HMGA2: variants seen among roughly 807,000 people sequenced by gnomAD.
HMGA2 encodes the protein high mobility group protein HMGI-C.
Under a neutral mutation model 19.1 loss-of-function variants are expected in HMGA2, and 8 were observed. That is an observed-to-expected ratio of 0.42 (90% CI 0.25 to 0.76). The LOEUF (loss-of-function observed/expected upper bound fraction) is 0.76, where lower values mean the gene tolerates loss of function less well. HMGA2 is among the 30% of genes least tolerant of loss of function. The pLI, the probability that HMGA2 is intolerant of heterozygous loss-of-function variation, is 0.28. For synonymous variants in HMGA2, 60 were observed against 48.8 expected (o/e 1.23, Z -0.96); for missense variants, 109 against 136.3 (o/e 0.80, Z 1.00).
At chr12:65,954,518 ATGGCC>A (rs1314211651) in intron 4 of HMGA2, 1 of 152,220 alleles carries the variant, frequency 6.6e-6, no homozygotes, top group Non-Finnish European at 1.5e-5. Flanking sequence ...AACTTCAAGA[ATGGCC>A]CTTGTTGAAC....
chr12:65,886,951 C>T (rs1165378864), intron 3 of HMGA2, among the ~76,000 whole-genome samples: 1 of 152,116 alleles, frequency 6.6e-6, no homozygotes, highest in Non-Finnish European at 1.5e-5. Context: ...AATAAGTAAG[C>T]AAGACTTGAA....
At chr12:65,828,926 G>C (rs1024337411) in intron 2 of HMGA2, 3 of 152,168 alleles carry the variant, frequency 2.0e-5, no homozygotes, top group African/African-American at 4.8e-5. Flanking sequence ...TGCATGTATA[G>C]AGAAGTACCA....
chr12:65,920,833 T>C (rs1236402366), intron 3 of HMGA2, among the ~76,000 whole-genome samples: 7 of 152,078 alleles, frequency 4.6e-5, no homozygotes, highest in Non-Finnish European at 8.8e-5. Flanking sequence ...ATACAGTAAA[T>C]TGGTACCAGG....
chr12:65,840,038 AT>A (rs557094993), intron 3 of HMGA2, among the ~76,000 whole-genome samples: 2 of 152,118 alleles, frequency 1.3e-5, no homozygotes, highest in African/African-American at 2.4e-5. Context: ...CAGTTTTCTC[AT>A]TTTTTCCCCA....
At chr12:65,833,991 T>C (rs1006503797) in intron 2 of HMGA2, among the ~76,000 whole-genome samples, 2 of 152,176 alleles carry the variant, frequency 1.3e-5, no homozygotes, top group Non-Finnish European at 1.5e-5. Context: ...TTTATATATA[T>C]GTTAGCTCCT....
At chr12:65,939,276 C>T (rs1196521442) in intron 3 of HMGA2, among the ~76,000 whole-genome samples, 1 of 152,136 alleles carries the variant, frequency 6.6e-6, no homozygotes, top group Admixed American at 6.5e-5. Context: ...AGCAGTGTGT[C>T]GGTAGCTTTG....
chr12:65,827,490 T>C lies in HMGA2; in HGVS notation c.112-511T>C, dbSNP rs148157922. ...AATTGCTCCAGTATTTCACTCAAAA[T>C]GTGTCAGTTGAATCATAATCCACCT... On this transcript the variant is annotated intron_variant, in intron 1 of 4. Coordinates refer to ENST00000403681, the MANE Select transcript of HMGA2 (RefSeq NM_003483.6). Among the ~76,000 whole-genome samples, 71 of 152,322 alleles carry C rather than the reference T, an allele frequency of 4.7e-4. No individual in the cohort carries two copies. The East Asian group carries it at 8.5e-3, about 18-fold the overall frequency.
chr12:65,937,319 C>T (rs1422152682), intron 3 of HMGA2, among the ~76,000 whole-genome samples: 1 of 152,116 alleles, frequency 6.6e-6, no homozygotes, highest in Non-Finnish European at 1.5e-5. Context: ...GGATACTCCC[C>T]TGCTGAACTG....
chr12:65,939,388 C>T (rs1592458387), intron 3 of HMGA2, among the ~76,000 whole-genome samples: 1 of 152,022 alleles, frequency 6.6e-6, no homozygotes, highest in East Asian at 1.9e-4. Flanking sequence ...CCGAGTCTCG[C>T]TCTGTCACCC....
chr12:65,913,381 G>GC (rs1451698263), intron 3 of HMGA2, among the ~76,000 whole-genome samples: 8 of 152,250 alleles, frequency 5.3e-5, no homozygotes, highest in Admixed American at 3.9e-4. Context: ...CTCAGCCACT[G>GC]AGTCCAATAA....
At chr12:65,950,114 C>A (rs76456255) in intron 3 of HMGA2, among the ~76,000 whole-genome samples, 9,662 of 152,218 alleles carry the variant, frequency 0.063, 445 homozygotes, top group Non-Finnish European at 0.09. Flanking sequence ...GGACGGACTG[C>A]AAAATGGTAC....
intron 3 of HMGA2, among the ~76,000 whole-genome samples, chr12:65,849,881 G>A (rs906545247): frequency 1.3e-5 from 2 of 151,842 alleles, no homozygotes; most frequent in African/African-American, 4.8e-5. Context: ...ACCACGCCTG[G>A]CTAATTTTTG....
intron 3 of HMGA2, among the ~76,000 whole-genome samples, chr12:65,844,794 G>A (rs1252175528): frequency 6.6e-6 from 1 of 152,172 alleles, no homozygotes; most frequent in African/African-American, 2.4e-5. Context: ...TTGCTGCTGT[G>A]CCAAAATAGC....
At chr12:65,924,427 C>T (rs1875430491) in intron 3 of HMGA2, among the ~76,000 whole-genome samples, 1 of 151,998 alleles carries the variant, frequency 6.6e-6, no homozygotes, top group Non-Finnish European at 1.5e-5. Context: ...TCTGTGTTGC[C>T]TCAGCCTACC....
intron 3 of HMGA2, among the ~76,000 whole-genome samples, chr12:65,885,023 G>T (rs575723721): frequency 6.6e-6 from 1 of 152,206 alleles, no homozygotes; most frequent in South Asian, 2.1e-4. Context: ...CATCTCTCAT[G>T]TATACAAATT....
intron 3 of HMGA2, chr12:65,915,150 A>T: frequency 6.2e-7 from 1 of 1,613,356 alleles, no homozygotes; most frequent in Non-Finnish European, 8.5e-7. Flanking sequence ...GGAGGAGTCC[A>T]GGATAGCTCT....
At chr12:65,839,327 C>T (rs889771937) in intron 3 of HMGA2, among the ~76,000 whole-genome samples, 6 of 152,112 alleles carry the variant, frequency 3.9e-5, no homozygotes, top group African/African-American at 9.6e-5. Flanking sequence ...TTCCCACTGA[C>T]GGAGAAAAGA....
At chr12:65,861,455 A>G (rs1324046805) in intron 3 of HMGA2, among the ~76,000 whole-genome samples, 2 of 152,370 alleles carry the variant, frequency 1.3e-5, no homozygotes, top group African/African-American at 2.4e-5. Flanking sequence ...AGAGCGTTCC[A>G]TGTGACAAAA....
intron 2 of HMGA2, among the ~76,000 whole-genome samples, chr12:65,833,331 C>A (rs1023743244): frequency 6.6e-6 from 1 of 151,624 alleles, no homozygotes; most frequent in Non-Finnish European, 1.5e-5. Context: ...AATGTGCTTT[C>A]TAGGCTTTGG....
Sources: allele counts gnomAD v4.1 joint callset (sites outside exome capture counted in the v4.1 genomes callset), GRCh38; gene constraint gnomAD v4.1.1; transcripts MANE v1.5; gene names NCBI Gene and HGNC (gene_info 2026-07-23, HGNC 2026-07-21).